SPECC1: variants seen among roughly 807,000 people sequenced by gnomAD.
SPECC1 encodes the protein sperm antigen with calponin homology and coiled-coil domains 1.
In SPECC1, 62 loss-of-function variants were observed where a neutral mutation model predicts 104.1. The observed-to-expected ratio is 0.60, with a 90% CI of 0.49 to 0.74. The LOEUF is 0.74. Ranked by LOEUF, SPECC1 falls within the 30% of genes least tolerant of loss-of-function variation. The pLI is 0.00. For synonymous variants in SPECC1, 513 were observed against 501.6 expected, an observed-to-expected ratio of 1.02 and a Z score of -0.30; for missense variants, 1,306 against 1,310.5, an observed-to-expected ratio of 1.00 and a Z score of 0.05.
At chr17:20,116,343 C>G (rs2048755359) in intron 3 of SPECC1, among the ~76,000 whole-genome samples, 1 of 152,120 alleles carries the variant, frequency 6.6e-6, no homozygotes, top group Admixed American at 6.6e-5. Flanking sequence ...CCACCTTGGC[C>G]TCCCAAAGTG....
chr17:20,177,416 A>G (rs1259952691), intron 3 of SPECC1, among the ~76,000 whole-genome samples: 1 of 152,214 alleles, frequency 6.6e-6, no homozygotes, highest in Non-Finnish European at 1.5e-5. Flanking sequence ...AAGAAACCAA[A>G]TAAATAGATC....
At chr17:20,125,438 C>A (rs997772926) in intron 3 of SPECC1, among the ~76,000 whole-genome samples, 10 of 150,582 alleles carry the variant, frequency 6.6e-5, no homozygotes, top group African/African-American at 2.4e-4. Flanking sequence ...GGAGATCTAC[C>A]CTCTGAACAC....
At chr17:20,085,829 C>T (rs2047155333) in intron 1 of SPECC1, among the ~76,000 whole-genome samples, 1 of 152,222 alleles carries the variant, frequency 6.6e-6, no homozygotes, top group Admixed American at 6.5e-5. Context: ...GATGGATATT[C>T]CCTGTTCAGT....
chr17:20,284,124 AC>A (rs1488456268), intron 12 of SPECC1, among the ~76,000 whole-genome samples: 1 of 152,132 alleles, frequency 6.6e-6, no homozygotes, highest in East Asian at 1.9e-4. Flanking sequence ...GCCATCTGGA[AC>A]TCATCTCTAG....
In SPECC1 at chr17:20,296,915, A is replaced by G. The variant is rs558321314; in HGVS notation, c.2941-46A>G. On this transcript the variant is annotated intron_variant, in intron 12 of 14. Coordinates refer to ENST00000395527, the MANE Select transcript of SPECC1 (RefSeq NM_001243439.2). ...CAATCTTCCTCATCTGTGATACTGCACAGTTTGCAATAGTTCTTGTTTATT... is the reference window on the plus strand; with the variant it reads ...CAATCTTCCTCATCTGTGATACTGCGCAGTTTGCAATAGTTCTTGTTTATT... 22 of 1,552,826 alleles carry G rather than the reference A, an allele frequency of 1.4e-5. No individual in the cohort carries two copies. In the South Asian group the frequency reaches 1.6e-4, roughly 11 times the overall value.
At position 20,318,498 on chromosome 17, in the gene SPECC1, A is replaced by G. The variant is rs1350053781; in HGVS notation, c.*4433A>G. 8.6e-6 allele frequency: 2 copies of G among 231,710 alleles called. No homozygotes were observed. Among genetic ancestry groups the G allele is most frequent in the Non-Finnish European group, 1.7e-5 (2 of 117,184 alleles). The allele number at this position is 231,710 out of a possible 1,614,324, so 14.4% of individuals were successfully genotyped here. A position where few individuals can be genotyped will look rare whatever the true frequency, so the allele number is the denominator to read the frequency against. On this transcript the variant is annotated 3_prime_UTR_variant, in exon 15 of 15. Transcript: ENST00000395527. ...CATCCAGCGGTGAGGAATCTCTGCC[A>G]TGTTCTCTTCCCTGCTGCCCACAAA...
At chr17:20,058,690 A>T (rs2046061334) in intron 1 of SPECC1, among the ~76,000 whole-genome samples, 1 of 151,902 alleles carries the variant, frequency 6.6e-6, no homozygotes, top group African/African-American at 2.4e-5. Context: ...TTTAGCATTG[A>T]ATGAAGATTA....
intron 1 of SPECC1, among the ~76,000 whole-genome samples, chr17:20,019,544 A>G (rs2044289226): frequency 6.6e-6 from 1 of 152,114 alleles, no homozygotes; most frequent in South Asian, 2.1e-4. Context: ...CAACCATTCA[A>G]AATTATTTTG....
At chr17:20,078,963 G>A (rs4925077) in intron 1 of SPECC1, among the ~76,000 whole-genome samples, 79,433 of 151,974 alleles carry the variant, frequency 0.52, 21,244 homozygotes, top group Middle Eastern at 0.62. Context: ...GCATTTTTCC[G>A]GGCCCACAGG....
At chr17:20,050,826 GT>G (rs1456158887) in intron 1 of SPECC1, among the ~76,000 whole-genome samples, 2 of 152,166 alleles carry the variant, frequency 1.3e-5, no homozygotes, top group Non-Finnish European at 2.9e-5. Context: ...TCCTCCTTTG[GT>G]TAAATAAACT....
intron 13 of SPECC1, among the ~76,000 whole-genome samples, chr17:20,302,391 C>T (rs758359248): frequency 6.6e-6 from 1 of 152,112 alleles, no homozygotes; most frequent in Non-Finnish European, 1.5e-5. Flanking sequence ...GCTTACAGCC[C>T]GTGGGGGAAG....
chr17:20,090,562 A>G (rs998178215), intron 1 of SPECC1, among the ~76,000 whole-genome samples: 1 of 150,306 alleles, frequency 6.7e-6, no homozygotes. Context: ...TATTCTGTTT[A>G]CTTTGCACTA....
intron 2 of SPECC1, among the ~76,000 whole-genome samples, chr17:20,107,810 G>A (rs1207846427): frequency 6.6e-6 from 1 of 152,088 alleles, no homozygotes; most frequent in Admixed American, 6.6e-5. Context: ...ATAGGCATGA[G>A]CCACTGCGCT....
intron 14 of SPECC1, among the ~76,000 whole-genome samples, chr17:20,310,560 A>T (rs2041902646): frequency 6.6e-6 from 1 of 152,244 alleles, no homozygotes; most frequent in African/African-American, 2.4e-5. Flanking sequence ...GCAACTCCCC[A>T]GAAAAGGAAT....
At chr17:20,226,059 G>A (rs2038184563) in intron 4 of SPECC1, among the ~76,000 whole-genome samples, 1 of 152,088 alleles carries the variant, frequency 6.6e-6, no homozygotes, top group African/African-American at 2.4e-5. Flanking sequence ...TTTTGCACAT[G>A]AAATGTAATT....
intron 3 of SPECC1, among the ~76,000 whole-genome samples, chr17:20,133,243 C>T (rs1449917950): frequency 2.0e-5 from 3 of 151,724 alleles, no homozygotes; most frequent in East Asian, 1.9e-4. Flanking sequence ...CCCATTTCAC[C>T]GAGTTCTGCT....
intron 12 of SPECC1, among the ~76,000 whole-genome samples, chr17:20,281,762 A>G (rs1051765604): frequency 1.3e-5 from 2 of 152,232 alleles, no homozygotes; most frequent in African/African-American, 4.8e-5. Flanking sequence ...AAGGAGGAAG[A>G]GTGGAATTAA....
chr17:20,301,380 G>A (rs995793873), intron 13 of SPECC1, among the ~76,000 whole-genome samples: 5 of 151,888 alleles, frequency 3.3e-5, no homozygotes, highest in African/African-American at 9.7e-5. Context: ...GCCTGGAGCC[G>A]TGTTCCCCTA....
intron 1 of SPECC1, among the ~76,000 whole-genome samples, chr17:20,082,173 T>C (rs1245446217): frequency 6.6e-6 from 1 of 152,196 alleles, no homozygotes; most frequent in East Asian, 1.9e-4. Context: ...GGTGCTCCTC[T>C]TCTCACCTGG....
Sources: gnomAD v4.1 joint callset for allele counts (sites outside exome capture counted in the v4.1 genomes callset) on GRCh38, gnomAD v4.1.1 for gene constraint, MANE v1.5 for transcripts, NCBI Gene and HGNC (gene_info 2026-07-23, HGNC 2026-07-21) for gene names.